The following PSD3 variants were observed in gnomAD, a reference collection of about 807,000 sequenced individuals.
The protein encoded by PSD3 is PH and SEC7 domain-containing protein 3.
Under a neutral mutation model 105.5 loss-of-function variants are expected in PSD3, and 49 were observed. That is an observed-to-expected ratio of 0.46 (90% confidence interval 0.37 to 0.59). PSD3 has a LOEUF of 0.59. PSD3 is among the 20% of genes least tolerant of loss of function. The pLI, the probability that PSD3 is intolerant of heterozygous loss-of-function variation, is 0.00. For synonymous variants in PSD3, 557 were observed against 457.8 expected, an observed-to-expected ratio of 1.22 and a Z score of -2.77; for missense variants, 1,561 against 1,263.8, an observed-to-expected ratio of 1.24 and a Z score of -3.57.
At chr8:18,635,001 T>C (rs1807154729) in intron 10 of PSD3, among the ~76,000 whole-genome samples, 1 of 152,220 alleles carries the variant, frequency 6.6e-6, no homozygotes, top group African/African-American at 2.4e-5. Context: ...CCCTCATTTA[T>C]TCTACATTCA....
intron 10 of PSD3, among the ~76,000 whole-genome samples, chr8:18,636,026 T>C (rs1036179533): frequency 6.6e-6 from 1 of 152,208 alleles, no homozygotes; most frequent in African/African-American, 2.4e-5. Flanking sequence ...ACCTGCAGGT[T>C]CTGCACATGT....
At chr8:18,949,261 ATATATATATATATATATT>A (rs1563453876) in intron 1 of PSD3, among the ~76,000 whole-genome samples, 8 of 109,742 alleles carry the variant, frequency 7.3e-5, no homozygotes, top group Non-Finnish European at 1.6e-4. Context: ...ATATATATAT[ATATATATATATATATATT>A]TATAGTTTTC....
At chr8:18,791,946 G>A (rs1170680306) in intron 8 of PSD3, among the ~76,000 whole-genome samples, 1 of 152,142 alleles carries the variant, frequency 6.6e-6, no homozygotes. Context: ...AGACATATAT[G>A]CGGCCAAGAA....
At chr8:18,591,407 G>A (rs535247769) in intron 12 of PSD3, among the ~76,000 whole-genome samples, 6 of 152,320 alleles carry the variant, frequency 3.9e-5, no homozygotes, top group African/African-American at 9.6e-5. Flanking sequence ...GTGGTGGGTG[G>A]TTCGCTGCAG....
intron 9 of PSD3, among the ~76,000 whole-genome samples, chr8:18,708,949 G>A (rs904671260): frequency 3.3e-5 from 5 of 152,250 alleles, no homozygotes; most frequent in African/African-American, 1.2e-4. Context: ...GGGAAACCAC[G>A]CTTTTTCCAA....
chr8:18,798,201 A>G (rs921899629), intron 8 of PSD3, among the ~76,000 whole-genome samples: 14 of 152,116 alleles, frequency 9.2e-5, no homozygotes, highest in African/African-American at 3.1e-4. Flanking sequence ...TGCTTCCTGA[A>G]AGTATTTTCT....
At chr8:18,782,988 T>A (rs896303679) in intron 8 of PSD3, among the ~76,000 whole-genome samples, 1 of 152,242 alleles carries the variant, frequency 6.6e-6, no homozygotes, top group African/African-American at 2.4e-5. Flanking sequence ...ACTTGTCTCA[T>A]TTTGGTATCA....
intron 9 of PSD3, among the ~76,000 whole-genome samples, chr8:18,754,415 A>C (rs1280667757): frequency 6.6e-6 from 1 of 152,118 alleles, no homozygotes; most frequent in Non-Finnish European, 1.5e-5. Flanking sequence ...TCCACTTAAA[A>C]ATTTATGTAA....
intron 4 of PSD3, among the ~76,000 whole-genome samples, chr8:18,830,188 C>T (rs1193815406): frequency 6.6e-6 from 1 of 152,146 alleles, no homozygotes; most frequent in Non-Finnish European, 1.5e-5. Context: ...GTGATCCACC[C>T]ACCTTGGTCT....
chr8:18,723,360 T>C (rs1803130731), intron 9 of PSD3, among the ~76,000 whole-genome samples: 2 of 152,248 alleles, frequency 1.3e-5, no homozygotes, highest in Admixed American at 6.5e-5. Flanking sequence ...TTTGTGCATA[T>C]ATGGATTTAA....
At chr8:18,623,202 C>A (rs981544063) in intron 11 of PSD3, among the ~76,000 whole-genome samples, 1 of 149,504 alleles carries the variant, frequency 6.7e-6, no homozygotes, top group East Asian at 2.0e-4. Context: ...TCTGTCGCTA[C>A]GGATTTTTGT....
chr8:18,936,857 G>C (rs1415427032), intron 1 of PSD3, among the ~76,000 whole-genome samples: 1 of 151,980 alleles, frequency 6.6e-6, no homozygotes, highest in African/African-American at 2.4e-5. Flanking sequence ...TCTTTGTGTG[G>C]CTTCTGTTAA....
intron 10 of PSD3, among the ~76,000 whole-genome samples, chr8:18,639,042 C>T (rs1807463208): frequency 1.3e-5 from 2 of 152,128 alleles, no homozygotes; most frequent in African/African-American, 4.8e-5. Context: ...GACACCATCC[C>T]CTCTTCGATC....
intron 1 of PSD3, among the ~76,000 whole-genome samples, chr8:19,069,507 T>G (rs1586690304): frequency 6.6e-6 from 1 of 152,220 alleles, no homozygotes; most frequent in South Asian, 2.1e-4. Context: ...CATGTACATC[T>G]GTGCAAACGT....
intron 1 of PSD3, among the ~76,000 whole-genome samples, chr8:18,950,145 T>C (rs1480429106): frequency 6.6e-6 from 1 of 152,206 alleles, no homozygotes; most frequent in African/African-American, 2.4e-5. Flanking sequence ...GTTCCCATTA[T>C]ACCTTTTTAA....
At chr8:19,064,059 T>C (rs923780716) in intron 1 of PSD3, among the ~76,000 whole-genome samples, 5 of 152,000 alleles carry the variant, frequency 3.3e-5, no homozygotes, top group Non-Finnish European at 7.4e-5. Flanking sequence ...GAGAATCACT[T>C]GAACCTGGGA....
At chr8:19,028,533 G>C (rs1046223957) in intron 1 of PSD3, among the ~76,000 whole-genome samples, 4 of 151,988 alleles carry the variant, frequency 2.6e-5, no homozygotes, top group Admixed American at 1.3e-4. Flanking sequence ...CATTTTTTAA[G>C]ATGCATTTTT....
chr8:18,640,733 G>C lies in PSD3; in HGVS notation c.2217-7927C>G, dbSNP rs185353088. Among the ~76,000 whole-genome samples the C allele has an allele frequency of 4.9e-4, 74 of 152,280 alleles. 1 individual carries two copies. Among genetic ancestry groups the C allele is most frequent in the Middle Eastern group, 3.4e-3 (1 of 294 alleles). On this transcript the variant is annotated intron_variant, in intron 10 of 15. Transcript: ENST00000327040. The stretch of plus-strand genomic sequence containing the variant: ...ATGGACTAATACATCAGTAAGACTG[G>C]AGGGAAGATGGCAGAAGAAAGCCCT...
intron 4 of PSD3, among the ~76,000 whole-genome samples, chr8:18,866,160 C>T (rs1816919890): frequency 6.6e-6 from 1 of 152,210 alleles, no homozygotes; most frequent in Non-Finnish European, 1.5e-5. Flanking sequence ...ATCTGCATAC[C>T]TTTCCTACAG....
Sources: allele counts gnomAD v4.1 joint callset (sites outside exome capture counted in the v4.1 genomes callset), GRCh38; gene constraint gnomAD v4.1.1; transcripts MANE v1.5; gene names NCBI Gene and HGNC (gene_info 2026-07-23, HGNC 2026-07-21).